Variants in EPB41 observed in about 807,000 individuals in gnomAD.
EPB41 encodes the protein erythrocyte membrane protein band 4.1.
EPB41 carries 65 observed loss-of-function variants against 108.0 expected under a neutral mutation model. That is an observed-to-expected ratio of 0.60 (90% confidence interval 0.49 to 0.74). The LOEUF (loss-of-function observed/expected upper bound fraction) is 0.74, where lower values mean the gene tolerates loss of function less well. Ranked by LOEUF, EPB41 falls within the 30% of genes least tolerant of loss-of-function variation. The pLI is 0.00. For missense variants in EPB41, 875 were observed against 1,037.0 expected (o/e 0.84, Z 2.15); for synonymous variants, 336 against 358.9 (o/e 0.94, Z 0.72).
At chr1:28,967,306 C>T (rs1460855808) in intron 1 of EPB41, among the ~76,000 whole-genome samples, 2 of 152,190 alleles carry the variant, frequency 1.3e-5, no homozygotes, top group Non-Finnish European at 2.9e-5. Flanking sequence ...GCGTGAGCCA[C>T]CACGCTCGGC....
Position 29,098,191 on chromosome 1 carries a change from C to T in EPB41, c.2313+256C>T, listed in dbSNP as rs112473483. Among the ~76,000 whole-genome samples the T allele has an allele frequency of 4.2e-3, 638 of 152,128 alleles. 7 individuals are homozygous for T. The highest frequency in any genetic ancestry group is 0.014 in the African/African-American group (581 of 41,508). Reference sequence around the variant, plus strand: ...GGGAGGATCTCTTGAGCCCAGGAAACGCCATCTGAATATTTTTTTTTGAGA... The same window carrying T: ...GGGAGGATCTCTTGAGCCCAGGAAATGCCATCTGAATATTTTTTTTTGAGA... On this transcript the variant is annotated intron_variant, in intron 17 of 20. Transcript: ENST00000343067.
chr1:29,009,585 C>A (rs2096465576), intron 4 of EPB41, among the ~76,000 whole-genome samples: 1 of 152,104 alleles, frequency 6.6e-6, no homozygotes, highest in African/African-American at 2.4e-5. Flanking sequence ...GGTAGTAGTT[C>A]TGGATTGCAT....
chr1:29,003,292 TC>T (rs1252983562), intron 4 of EPB41, among the ~76,000 whole-genome samples: 1 of 152,110 alleles, frequency 6.6e-6, no homozygotes, highest in Admixed American at 6.5e-5. Flanking sequence ...TGGGGGCTCA[TC>T]CCCCCATTTT....
chr1:28,963,375 G>C (rs1034577051), intron 1 of EPB41, among the ~76,000 whole-genome samples: 3 of 151,484 alleles, frequency 2.0e-5, no homozygotes. Context: ...GTGTGTGTGT[G>C]TGTGTGTCTG....
intron 19 of EPB41, among the ~76,000 whole-genome samples, chr1:29,114,886 CAT>C (rs1670394403): frequency 6.6e-6 from 1 of 151,992 alleles, no homozygotes; most frequent in East Asian, 1.9e-4. Flanking sequence ...TAGTGCATGG[CAT>C]ATAACAGTCC....
chr1:28,960,897 G>C lies in EPB41; in HGVS notation c.-7-26534G>C, dbSNP rs148898760. ...AAAATACAAAAAATTAGCCAGGCAT[G>C]GTGGCAGACACCTGTACTCCCAGCT... On this transcript the variant is annotated intron_variant, in intron 1 of 20. Transcript: ENST00000343067. Among the ~76,000 whole-genome samples, 855 of 151,862 alleles carry C rather than the reference G, an allele frequency of 5.6e-3. 8 individuals carry two copies. Among genetic ancestry groups the C allele is most frequent in the African/African-American group, 0.018 (732 of 41,402 alleles).
intron 2 of EPB41, among the ~76,000 whole-genome samples, chr1:28,990,840 C>T (rs924917072): frequency 6.6e-6 from 1 of 152,120 alleles, no homozygotes; most frequent in Non-Finnish European, 1.5e-5. Context: ...GATTCGTACT[C>T]AAGTTGACAC....
chr1:29,077,377 C>A (rs1654515765), intron 16 of EPB41, among the ~76,000 whole-genome samples: 3 of 151,904 alleles, frequency 2.0e-5, no homozygotes, highest in South Asian at 4.2e-4. Flanking sequence ...TCCAGTCCAG[C>A]CTGGGCAACA....
At position 28,988,256 on chromosome 1, in the gene EPB41, G is replaced by A. The variant is rs909651328; in HGVS notation, c.468+351G>A. On this transcript the variant is annotated intron_variant, in intron 2 of 20. Transcript: ENST00000343067. ...GCCTAGGCAACAAGGATGAGATTCC[G>A]TCTCAACAACGGGGGGATAAAAAAA... 3.9e-5 allele frequency among the ~76,000 whole-genome samples: 6 copies of A among 152,160 alleles called. No individual in the cohort carries two copies. In the East Asian group the frequency reaches 5.8e-4, roughly 15 times the overall value.
chr1:28,943,374 C>T (rs371822508), intron 1 of EPB41, among the ~76,000 whole-genome samples: 19 of 152,186 alleles, frequency 1.2e-4, no homozygotes, highest in African/African-American at 3.4e-4. Flanking sequence ...ACAATGAGGC[C>T]GGGCGCTGTG....
chr1:29,118,733 TAGGGGAAAGA>T lies in EPB41; in HGVS notation c.*1922_*1931del, dbSNP rs1671393582. 2.0e-5 allele frequency: 3 copies of T among 151,966 alleles called. No individual in the cohort carries two copies. The highest frequency in any genetic ancestry group is 7.2e-5 in the African/African-American group (3 of 41,426). The allele number at this position is 151,966 out of a possible 1,614,324, so 9.4% of individuals were successfully genotyped here. A position where few individuals can be genotyped will look rare whatever the true frequency, so the allele number is the denominator to read the frequency against. ...GCCCAGGTGGGACGTGGGACAGGCTTAGGGGAAAGAGCTTGTCCTATCTCAGGAACAAAAT... is the reference window on the plus strand; with the variant it reads ...GCCCAGGTGGGACGTGGGACAGGCTTGCTTGTCCTATCTCAGGAACAAAAT... On this transcript the variant is annotated 3_prime_UTR_variant, in exon 21 of 21. Coordinates refer to ENST00000343067, the MANE Select transcript of EPB41 (RefSeq NM_001376013.1).
intron 10 of EPB41, among the ~76,000 whole-genome samples, chr1:29,038,294 A>G (rs1253551581): frequency 6.6e-6 from 1 of 152,222 alleles, no homozygotes. Context: ...CCACAAAAGT[A>G]GAATTTTTTA....
chr1:28,935,212 C>T (rs1459791681), intron 1 of EPB41, among the ~76,000 whole-genome samples: 3 of 151,522 alleles, frequency 2.0e-5, no homozygotes, highest in East Asian at 2.0e-4. Context: ...AGGCTGATCA[C>T]CTGAGCTCAG....
chr1:28,978,641 T>G (rs187398658), intron 1 of EPB41, among the ~76,000 whole-genome samples: 1 of 151,518 alleles, frequency 6.6e-6, no homozygotes, highest in Admixed American at 6.6e-5. Context: ...GAGATTAGTG[T>G]GTAAGTCTTG....
chr1:28,902,346 C>G, intron 1 of EPB41: 1 of 985,274 alleles, frequency 1.0e-6, no homozygotes, highest in Non-Finnish European at 1.2e-6. Flanking sequence ...CTAGTTGGGG[C>G]TGTTTGGCTG....
At chr1:29,060,319 T>C in intron 14 of EPB41, 103 bp from the exon 15 acceptor site, 24 of 988,534 alleles carry the variant, frequency 2.4e-5, no homozygotes, top group Non-Finnish European at 3.8e-5. Flanking sequence ...TGTGGACATT[T>C]ATTTTTAAAT....
Position 28,905,798 on chromosome 1 carries a change from C to A in EPB41, c.-8+18588C>A, listed in dbSNP as rs1396039511. Among the ~76,000 whole-genome samples, 18 of 150,484 alleles carry A rather than the reference C, an allele frequency of 1.2e-4. No homozygotes were observed. The Admixed American group carries it at 1.2e-3, about 10-fold the overall frequency. ...ATTTGCAGTCTCTCTTATGACTTCT[C>A]TCTTTCTTTTTCTTTCTTTCTTTTT... On this transcript the variant is annotated intron_variant, in intron 1 of 16. Transcript: ENST00000347529.
At chr1:29,041,647 C>CA (rs1390667024) in intron 11 of EPB41, among the ~76,000 whole-genome samples, 108 of 132,360 alleles carry the variant, frequency 8.2e-4, no homozygotes, top group East Asian at 4.7e-3. Context: ...GACGCCGTCT[C>CA]AAAAAAAAAA....
intron 3 of EPB41, among the ~76,000 whole-genome samples, chr1:28,993,949 G>A (rs555326539): frequency 1.3e-5 from 2 of 151,944 alleles, no homozygotes; most frequent in Non-Finnish European, 1.5e-5. Context: ...GAGCCACTGC[G>A]CCCGGCCTTT....
Sources: gnomAD v4.1 joint callset for allele counts (sites outside exome capture counted in the v4.1 genomes callset) on GRCh38, gnomAD v4.1.1 for gene constraint, MANE v1.5 for transcripts, NCBI Gene and HGNC (gene_info 2026-07-23, HGNC 2026-07-21) for gene names.